The following MATR3 variants were observed in gnomAD, a reference collection of about 807,000 sequenced individuals.
The protein encoded by MATR3 is matrin 3.
A neutral mutation model predicts 85.5 loss-of-function variants in MATR3; 4 were observed. That is an observed-to-expected ratio of 0.05 (90% CI 0.02 to 0.11). The LOEUF (loss-of-function observed/expected upper bound fraction) is 0.11. Ranked by LOEUF, MATR3 falls within the 10% of genes least tolerant of loss-of-function variation. The pLI is 1.00. For synonymous variants in MATR3, 336 were observed against 343.1 expected (o/e 0.98, Z 0.23); for missense variants, 685 against 1,016.1 (o/e 0.67, Z 4.43).
In MATR3 at chr5:139,328,051, C is replaced by T. The variant is rs1028379640; in HGVS notation, c.2494-1294C>T. The stretch of plus-strand genomic sequence containing the variant: ...TAATTTTTTGTATTTTTAGTAGAAA[C>T]GGGGTTTCACCATGTTAGCCAGGCT... On this transcript the variant is annotated intron_variant, in intron 14 of 14. Coordinates refer to ENST00000394805, the MANE Select transcript of MATR3 (RefSeq NM_018834.6). Among the ~76,000 whole-genome samples, 9 of 151,494 alleles carry T rather than the reference C, an allele frequency of 5.9e-5. 1 individual carries two copies. Among genetic ancestry groups the T allele is most frequent in the Middle Eastern group, 6.8e-3 (2 of 292 alleles).
chr5:139,309,979 T>G (rs1330544327), intron 2 of MATR3: 1 of 151,976 alleles, frequency 6.6e-6, no homozygotes, highest in African/African-American at 2.4e-5. Context: ...CAAATGAGAG[T>G]GATGTGAAGG....
chr5:139,304,351 T>C (rs946847902), intron 1 of MATR3, among the ~76,000 whole-genome samples: 2 of 151,868 alleles, frequency 1.3e-5, no homozygotes, highest in African/African-American at 4.8e-5. Flanking sequence ...AAATACAAAA[T>C]TAGCTGGAAG....
At chr5:139,290,870 C>A (rs991436935), upstream of MATR3, among the ~76,000 whole-genome samples, 1 of 152,168 alleles carries the variant, frequency 6.6e-6, no homozygotes, top group African/African-American at 2.4e-5. Context: ...CCTTAAAATT[C>A]ATGTGTCCCC....
At chr5:139,290,429 C>G (rs1469073015), upstream of MATR3, among the ~76,000 whole-genome samples, 1 of 90,706 alleles carries the variant, frequency 1.1e-5, no homozygotes, top group African/African-American at 5.7e-5. Context: ...GCCACTGCGC[C>G]TGGCCGCTCT....
Position 139,307,892 on chromosome 5 carries a change from T to G in MATR3, c.477T>G (p.Gly159=). The change falls in exon 2 of 15, where the codon GGT becomes GGG. Residue 159 remains glycine (G), a synonymous_variant. Coordinates refer to ENST00000394805, the MANE Select transcript of MATR3 (RefSeq NM_018834.6). The surrounding 1 kb of genome is among the most constrained non-coding windows in gnomAD (Gnocchi z 4.4). ...RTEEGPTLSY[G]RDGRSATREP... is the part of the protein sequence containing the mutation. ...AAGAAGGCCCTACCTTGAGTTATGG[T>G]AGAGATGGCAGATCTGCTACACGGG... The G allele has an allele frequency of 5.0e-6, 8 of 1,614,046 alleles. No homozygotes were observed. Among genetic ancestry groups the G allele is most frequent in the Non-Finnish European group, 6.8e-6 (8 of 1,179,990 alleles).
At chr5:139,295,282 G>C (rs1230666249) in intron 1 of MATR3, among the ~76,000 whole-genome samples, 1 of 152,172 alleles carries the variant, frequency 6.6e-6, no homozygotes, top group Non-Finnish European at 1.5e-5. Context: ...AAACGCTCTG[G>C]ATGATGCCTT....
chr5:139,304,535 G>A (rs1050767921), intron 1 of MATR3, among the ~76,000 whole-genome samples: 1 of 151,656 alleles, frequency 6.6e-6, no homozygotes, highest in African/African-American at 2.4e-5. Context: ...TATCAAGATT[G>A]TAGTAAATGG....
At position 139,307,134 on chromosome 5, in the gene MATR3, T is replaced by C; in HGVS notation, c.-177-105T>C. ...TAAATTCCTTGTAAGTTTGAGATCT[T>C]AAATGTTTTTTTTTTAAATCAACAT... On this transcript the variant is annotated intron_variant, in intron 1 of 14. Coordinates refer to ENST00000394805, the MANE Select transcript of MATR3 (RefSeq NM_018834.6). The surrounding 1 kb of genome is among the most constrained non-coding windows in gnomAD (Gnocchi z 4.4). 2 of 801,126 alleles carry C rather than the reference T, an allele frequency of 2.5e-6. No homozygotes were observed. The highest frequency in any genetic ancestry group is 3.2e-6 in the Non-Finnish European group (2 of 626,778). The allele number at this position is 801,126 out of a possible 1,614,324, so 49.6% of individuals were successfully genotyped here. A position where few individuals can be genotyped will look rare whatever the true frequency, so the allele number is the denominator to read the frequency against.
intron 3 of MATR3, among the ~76,000 whole-genome samples, chr5:139,286,127 TG>T (rs1228585195): frequency 1.3e-5 from 2 of 152,174 alleles, no homozygotes; most frequent in African/African-American, 4.8e-5. Context: ...AAAACTCCTT[TG>T]TAAGACCTGA....
chr5:139,278,248 TAC>T (rs999588345), intron 2 of MATR3: 152 of 352,106 alleles, frequency 4.3e-4, no homozygotes, highest in East Asian at 1.7e-3. Context: ...TATATATATA[TAC>T]ACACACACAC....
chr5:139,313,576 C>G (rs1755102485), intron 2 of MATR3: 1 of 152,186 alleles, frequency 6.6e-6, no homozygotes, highest in African/African-American at 2.4e-5. Context: ...TTTATATCTG[C>G]ATTTTTTTCC....
chr5:139,292,897 C>G (rs186673753), upstream of MATR3, among the ~76,000 whole-genome samples: 4 of 151,982 alleles, frequency 2.6e-5, no homozygotes, highest in East Asian at 7.8e-4. Context: ...GAGCCGAGAT[C>G]GCGCCACTGC....
At chr5:139,309,158 T>C (rs965316936) in intron 2 of MATR3, among the ~76,000 whole-genome samples, 2 of 152,208 alleles carry the variant, frequency 1.3e-5, no homozygotes, top group East Asian at 3.8e-4. Flanking sequence ...TTTTTCAAAA[T>C]GCCCTTTTAA....
At chr5:139,281,091 A>C (rs1395180802) in intron 3 of MATR3, among the ~76,000 whole-genome samples, 2 of 152,132 alleles carry the variant, frequency 1.3e-5, no homozygotes, top group African/African-American at 4.8e-5. Flanking sequence ...AGCTCACTGC[A>C]CCCTTGACCT....
intron 1 of MATR3, among the ~76,000 whole-genome samples, chr5:139,274,640 A>G (rs996616383): frequency 6.6e-6 from 1 of 152,206 alleles, no homozygotes; most frequent in African/African-American, 2.4e-5. Flanking sequence ...TACATAAATT[A>G]TAATGGTGAC....
Position 139,307,389 on chromosome 5 carries a change from A to G in MATR3, c.-27A>G, listed in dbSNP as rs780655473. 14 of 1,602,184 alleles carry G rather than the reference A, an allele frequency of 8.7e-6. No individual in the cohort carries two copies. Among genetic ancestry groups the G allele is most frequent in the Admixed American group, 7.0e-5 (4 of 57,540 alleles). On this transcript the variant is annotated 5_prime_UTR_variant, in exon 2 of 15. Transcript: ENST00000394805. This position sits in a 1 kb window ranked among gnomAD's most constrained non-coding sequence, Gnocchi z 4.4. ...TTAAAAAAATTTTTTTTTTTAATCTATAAAATAGACAAGAGCTAGTTCTAC... is the reference window on the plus strand; with the variant it reads ...TTAAAAAAATTTTTTTTTTTAATCTGTAAAATAGACAAGAGCTAGTTCTAC...
chr5:139,316,202 A>C lies in MATR3; in HGVS notation c.1129+14A>C, dbSNP rs1209379879. 1 of 1,578,684 alleles carries C rather than the reference A, an allele frequency of 6.3e-7. No homozygotes were observed. Among genetic ancestry groups the C allele is most frequent in the Non-Finnish European group, 8.7e-7 (1 of 1,148,206 alleles). The stretch of plus-strand genomic sequence containing the variant: ...GAGGAAATCTGGGTAATTATATAAA[A>C]TTCATGTTACTTTTCCCTACAGAGC... On this transcript the variant is annotated intron_variant, in intron 5 of 14. Transcript: ENST00000394805.
intron 3 of MATR3, chr5:139,315,460 T>C (rs2151982836): frequency 2.2e-6 from 1 of 459,314 alleles, no homozygotes; most frequent in South Asian, 2.9e-5. Context: ...AAAAACTTAA[T>C]TTCAACATTA....
chr5:139,277,762 T>C (rs1753343995), intron 2 of MATR3, among the ~76,000 whole-genome samples: 1 of 15,350 alleles, frequency 6.5e-5, no homozygotes, highest in African/African-American at 3.7e-4. Context: ...TCTGCTCGTC[T>C]TTTTTTTTTT....
Sources: allele counts gnomAD v4.1 joint callset (sites outside exome capture counted in the v4.1 genomes callset), GRCh38; gene constraint gnomAD v4.1.1; non-coding constraint Gnocchi (gnomAD v3.1); transcripts MANE v1.5; gene names NCBI Gene and HGNC (gene_info 2026-07-23, HGNC 2026-07-21).